Variants in SEMA6D observed in about 807,000 individuals in gnomAD.
The protein encoded by SEMA6D is semaphorin 6D, also known as semaphorin-6D.
In SEMA6D, 35 loss-of-function variants were observed where a neutral mutation model predicts 106.6. That is an observed-to-expected ratio of 0.33 (90% CI 0.25 to 0.44). The LOEUF (loss-of-function observed/expected upper bound fraction) is 0.44, where lower values mean the gene tolerates loss of function less well. Ranked by LOEUF, SEMA6D falls within the 20% of genes least tolerant of loss-of-function variation. The pLI is 1.00. For missense variants in SEMA6D, 1,185 were observed against 1,345.9 expected (o/e 0.88, Z 1.87); for synonymous variants, 499 against 487.7 (o/e 1.02, Z -0.31).
At chr15:47,299,266 C>G (rs1049195460) in intron 1 of SEMA6D, among the ~76,000 whole-genome samples, 5 of 152,160 alleles carry the variant, frequency 3.3e-5, no homozygotes, top group Admixed American at 1.3e-4. Flanking sequence ...CTGTGTTGGT[C>G]CACACAAACT....
intron 1 of SEMA6D, among the ~76,000 whole-genome samples, chr15:47,231,260 G>T (rs1402967910): frequency 6.6e-6 from 1 of 151,898 alleles, no homozygotes; most frequent in East Asian, 1.9e-4. Context: ...AAATGAGCCT[G>T]GACTAGCATT....
intron 2 of SEMA6D, among the ~76,000 whole-genome samples, chr15:47,457,113 A>G (rs2042368512): frequency 6.6e-6 from 1 of 152,008 alleles, no homozygotes; most frequent in Non-Finnish European, 1.5e-5. Context: ...TTGGAACTGT[A>G]TTGCCTTAGT....
chr15:47,274,703 C>T (rs772178674), intron 1 of SEMA6D: 10 of 152,324 alleles, frequency 6.6e-5, no homozygotes, highest in Non-Finnish European at 1.2e-4. Context: ...TGCCTTCACT[C>T]TCTGCCTCAC....
intron 3 of SEMA6D, among the ~76,000 whole-genome samples, chr15:47,528,560 T>G (rs1460529419): frequency 6.6e-6 from 1 of 152,216 alleles, no homozygotes; most frequent in Non-Finnish European, 1.5e-5. Flanking sequence ...AATTGTGGAA[T>G]GAAGGGATAT....
rs1386970574 is a variant in SEMA6D, at chr15:47,657,828, T to C, written c.-55+56932T>C. 8.7e-5 allele frequency among the ~76,000 whole-genome samples: 12 copies of C among 137,654 alleles called. No homozygotes were observed. In the Admixed American group the frequency reaches 9.5e-4, roughly 11 times the overall value. The allele number at this position is 137,654 out of a possible 152,430, so 90.3% of individuals were successfully genotyped here. A position where few individuals can be genotyped will look rare whatever the true frequency, so the allele number is the denominator to read the frequency against. On this transcript the variant is annotated intron_variant, in intron 4 of 19. Transcript: ENST00000558014. Reference sequence around the variant, plus strand: ...AGATCTCGGCTCACTGCAAGCTCCGTGTCCCAGGTTCATGCCATTCTCCTG... The same window carrying C: ...AGATCTCGGCTCACTGCAAGCTCCGCGTCCCAGGTTCATGCCATTCTCCTG...
At chr15:47,505,417 G>A (rs1177297632) in intron 3 of SEMA6D, among the ~76,000 whole-genome samples, 1 of 152,260 alleles carries the variant, frequency 6.6e-6, no homozygotes, top group East Asian at 1.9e-4. Flanking sequence ...CACATTCTGC[G>A]AAACAACTGG....
intron 2 of SEMA6D, among the ~76,000 whole-genome samples, chr15:47,462,140 T>C (rs1185583587): frequency 6.6e-6 from 1 of 152,092 alleles, no homozygotes; most frequent in Non-Finnish European, 1.5e-5. Flanking sequence ...TTTTCTGACA[T>C]CCTGTAGCAA....
chr15:47,212,248 C>T (rs2030099324), intron 1 of SEMA6D, among the ~76,000 whole-genome samples: 1 of 152,166 alleles, frequency 6.6e-6, no homozygotes, highest in Non-Finnish European at 1.5e-5. Context: ...GAAATGATGA[C>T]TTATGACAAT....
intron 1 of SEMA6D, among the ~76,000 whole-genome samples, chr15:47,185,258 C>T (rs989567897): frequency 6.6e-6 from 1 of 152,132 alleles, no homozygotes; most frequent in African/African-American, 2.4e-5. Context: ...ACTTGGAGCT[C>T]GGAAGAGCAA....
chr15:47,311,982 T>C (rs1387325873), intron 1 of SEMA6D, among the ~76,000 whole-genome samples: 1 of 152,158 alleles, frequency 6.6e-6, no homozygotes, highest in East Asian at 1.9e-4. Flanking sequence ...TTATCCAGTA[T>C]AGCACCTTAC....
At chr15:47,657,035 A>AG (rs1257087915) in intron 4 of SEMA6D, among the ~76,000 whole-genome samples, 10 of 152,246 alleles carry the variant, frequency 6.6e-5, no homozygotes, top group African/African-American at 2.4e-4. Context: ...ATCGAATGCC[A>AG]GATTCACCTG....
intron 1 of SEMA6D, among the ~76,000 whole-genome samples, chr15:47,292,649 A>T (rs1448895579): frequency 6.6e-6 from 1 of 152,120 alleles, no homozygotes; most frequent in Non-Finnish European, 1.5e-5. Flanking sequence ...CATGTAAGGG[A>T]TACACAGACA....
At chr15:47,598,299 G>A (rs1401833334) in intron 3 of SEMA6D, among the ~76,000 whole-genome samples, 1 of 152,094 alleles carries the variant, frequency 6.6e-6, no homozygotes, top group Non-Finnish European at 1.5e-5. Flanking sequence ...TGAAAGATTT[G>A]TGCTGTCCCA....
chr15:47,738,841 C>T (rs2080612102), intron 1 of SEMA6D, among the ~76,000 whole-genome samples: 1 of 152,130 alleles, frequency 6.6e-6, no homozygotes, highest in Non-Finnish European at 1.5e-5. Context: ...ACTGGGGTGG[C>T]TCTAGTAGGT....
intron 3 of SEMA6D, among the ~76,000 whole-genome samples, chr15:47,555,445 A>G (rs1312680320): frequency 2.0e-5 from 3 of 152,226 alleles, no homozygotes; most frequent in Non-Finnish European, 2.9e-5. Flanking sequence ...CTTGCATACA[A>G]TACGTTTCAT....
intron 1 of SEMA6D, among the ~76,000 whole-genome samples, chr15:47,214,884 T>A (rs17284491): frequency 0.012 from 1,848 of 152,210 alleles, 41 homozygotes; most frequent in Admixed American, 0.012. Flanking sequence ...CAGAACTTCT[T>A]ACTGTTGGAG....
chr15:47,328,953 CT>C (rs2144007467), intron 1 of SEMA6D, among the ~76,000 whole-genome samples: 1 of 152,316 alleles, frequency 6.6e-6, no homozygotes, highest in South Asian at 2.1e-4. Flanking sequence ...TCATTCATCA[CT>C]ATAATAAACT....
chr15:47,349,471 G>A (rs1595792463), intron 1 of SEMA6D, among the ~76,000 whole-genome samples: 1 of 152,118 alleles, frequency 6.6e-6, no homozygotes, highest in African/African-American at 2.4e-5. Flanking sequence ...ATGCCAAGAT[G>A]TATTAGATAT....
intron 2 of SEMA6D, among the ~76,000 whole-genome samples, chr15:47,434,950 A>G (rs1255970947): frequency 6.6e-6 from 1 of 152,196 alleles, no homozygotes; most frequent in African/African-American, 2.4e-5. Flanking sequence ...ACATACACAC[A>G]CATAGACCAC....
Sources: allele counts gnomAD v4.1 joint callset (sites outside exome capture counted in the v4.1 genomes callset), GRCh38; gene constraint gnomAD v4.1.1; transcripts MANE v1.5; gene names NCBI Gene and HGNC (gene_info 2026-07-23, HGNC 2026-07-21).